LINGO1: variants seen among roughly 807,000 people sequenced by gnomAD.
LINGO1 encodes the protein leucine rich repeat and Ig domain containing 1, also known as leucine-rich repeat and immunoglobulin-like domain-containing nogo receptor-interacting protein 1.
In LINGO1, 11 loss-of-function variants were observed where a neutral mutation model predicts 37.3. That is an observed-to-expected ratio of 0.29 (90% CI 0.19 to 0.49). LINGO1 has a LOEUF of 0.49. LINGO1 is among the 20% of genes least tolerant of loss of function. The pLI is 0.99. For missense variants in LINGO1, 585 were observed against 878.2 expected (o/e 0.67, Z 4.22); for synonymous variants, 387 against 403.0 (o/e 0.96, Z 0.48).
chr15:77,718,749 G>A (rs984214297), intron 2 of LINGO1, among the ~76,000 whole-genome samples: 10 of 150,708 alleles, frequency 6.6e-5, no homozygotes, highest in African/African-American at 2.4e-4. Context: ...GGGTCAGGAT[G>A]CCTGGGCTCT....
At chr15:77,755,033 C>T (rs563601401) in intron 1 of LINGO1, among the ~76,000 whole-genome samples, 2 of 152,344 alleles carry the variant, frequency 1.3e-5, no homozygotes, top group East Asian at 1.9e-4. Context: ...CTGCCAGCCA[C>T]GTCTGTAGGG....
At chr15:77,644,458 A>C (rs1434788131) in intron 3 of LINGO1, among the ~76,000 whole-genome samples, 1 of 152,228 alleles carries the variant, frequency 6.6e-6, no homozygotes, top group Non-Finnish European at 1.5e-5. Context: ...GGGGTCCCCA[A>C]ACAGGCTTGA....
intron 2 of LINGO1, among the ~76,000 whole-genome samples, chr15:77,727,823 G>A (rs1218281824): frequency 6.6e-6 from 1 of 152,068 alleles, no homozygotes; most frequent in Non-Finnish European, 1.5e-5. Flanking sequence ...GAGAGGTGAA[G>A]TAATTTCCCC....
chr15:77,807,137 T>C (rs2076966855), intron 1 of LINGO1, among the ~76,000 whole-genome samples: 1 of 152,220 alleles, frequency 6.6e-6, no homozygotes, highest in Non-Finnish European at 1.5e-5. Context: ...CTACCCCTTC[T>C]TCAAGGCGCA....
At chr15:77,622,107 G>A (rs1208924208) in intron 1 of LINGO1, among the ~76,000 whole-genome samples, 1 of 152,206 alleles carries the variant, frequency 6.6e-6, no homozygotes, top group Non-Finnish European at 1.5e-5. Flanking sequence ...AGGGAGCGGG[G>A]AGGATGGCAG....
At chr15:77,704,015 G>C (rs368928004) in intron 2 of LINGO1, among the ~76,000 whole-genome samples, 7 of 152,260 alleles carry the variant, frequency 4.6e-5, no homozygotes, top group African/African-American at 1.4e-4. Context: ...GTTTGAGTCC[G>C]GGCTCTCCCA....
intron 1 of LINGO1, among the ~76,000 whole-genome samples, chr15:77,778,951 C>T (rs1032930308): frequency 6.6e-6 from 1 of 151,988 alleles, no homozygotes; most frequent in African/African-American, 2.4e-5. Context: ...AATTCCTCCC[C>T]TCTCTTACCA....
chr15:77,616,279 C>T (rs995202501), intron 1 of LINGO1, among the ~76,000 whole-genome samples: 4 of 152,204 alleles, frequency 2.6e-5, no homozygotes, highest in Admixed American at 6.5e-5. Flanking sequence ...AAAACCAGAC[C>T]TGCTGAGCCG....
chr15:77,768,578 A>G (rs2076553161), intron 1 of LINGO1, among the ~76,000 whole-genome samples: 1 of 152,124 alleles, frequency 6.6e-6, no homozygotes, highest in Non-Finnish European at 1.5e-5. Flanking sequence ...ACTGGTGGGC[A>G]GGTTGGGACA....
At chr15:77,778,357 G>A (rs188052081) in intron 1 of LINGO1, among the ~76,000 whole-genome samples, 15 of 152,290 alleles carry the variant, frequency 9.8e-5, no homozygotes, top group Non-Finnish European at 1.6e-4. Context: ...CATTTTCCAC[G>A]TAAGGTAGAT....
rs575947729 is a variant in LINGO1 at position 77,655,182 on chromosome 15, G to C, written c.-13+21907C>G. Among the ~76,000 whole-genome samples, 5 of 152,280 alleles carry C rather than the reference G, an allele frequency of 3.3e-5. No homozygotes were observed. In the South Asian group the frequency reaches 1.0e-3, roughly 32 times the overall value. ...TCATGGCAGCTCCACCTACAGGGTC[G>C]GGAGGGAACTTCCTGGAAGGAGGGC... On this transcript the variant is annotated intron_variant, in intron 3 of 3. Transcript: ENST00000559893.
At chr15:77,646,467 T>C (rs1466626691) in intron 3 of LINGO1, 5 of 455,674 alleles carry the variant, frequency 1.1e-5, no homozygotes, top group African/African-American at 4.0e-5. Flanking sequence ...GTGTGACTCA[T>C]AGCAAAGTAA....
intron 3 of LINGO1, among the ~76,000 whole-genome samples, chr15:77,656,657 C>A (rs1316569213): frequency 6.6e-6 from 1 of 152,176 alleles, no homozygotes; most frequent in Non-Finnish European, 1.5e-5. Flanking sequence ...TGCAGGGACT[C>A]CCAGTCCTGT....
chr15:77,681,187 T>A (rs2075407259), intron 2 of LINGO1, among the ~76,000 whole-genome samples: 1 of 151,906 alleles, frequency 6.6e-6, no homozygotes, highest in Admixed American at 6.6e-5. Context: ...TTAATTTTGA[T>A]GATGAGAAAT....
chr15:77,658,450 C>T (rs766262360), intron 3 of LINGO1, among the ~76,000 whole-genome samples: 4 of 152,216 alleles, frequency 2.6e-5, no homozygotes, highest in Non-Finnish European at 4.4e-5. Flanking sequence ...TCTCACCGCA[C>T]GTGGTTCTGG....
At chr15:77,685,102 G>A (rs2075483097) in intron 2 of LINGO1, among the ~76,000 whole-genome samples, 1 of 149,812 alleles carries the variant, frequency 6.7e-6, no homozygotes, top group South Asian at 2.2e-4. Context: ...GGTGTGGGGA[G>A]TGGGGGTAAG....
intron 3 of LINGO1, among the ~76,000 whole-genome samples, chr15:77,672,797 C>T (rs915540961): frequency 6.6e-6 from 1 of 152,222 alleles, no homozygotes; most frequent in African/African-American, 2.4e-5. Context: ...CTCCTGTTGT[C>T]CCCGACTTCC....
chr15:77,639,812 G>C (rs112363239), intron 3 of LINGO1, among the ~76,000 whole-genome samples: 1 of 152,154 alleles, frequency 6.6e-6, no homozygotes, highest in South Asian at 2.1e-4. Flanking sequence ...ATTAAAACAC[G>C]CAGGACAGTG....
intron 1 of LINGO1, among the ~76,000 whole-genome samples, chr15:77,810,642 A>G (rs568746978): frequency 3.3e-5 from 5 of 152,314 alleles, no homozygotes; most frequent in Admixed American, 3.3e-4. Flanking sequence ...CCTGTGCCTC[A>G]GTTTCCTATC....
Sources: allele counts gnomAD v4.1 joint callset (sites outside exome capture counted in the v4.1 genomes callset), GRCh38; gene constraint gnomAD v4.1.1; transcripts MANE v1.5; gene names NCBI Gene and HGNC (gene_info 2026-07-23, HGNC 2026-07-21).